PDE4D: variants seen among roughly 807,000 people sequenced by gnomAD.
PDE4D encodes the protein phosphodiesterase 4D, also known as 3',5'-cyclic-AMP phosphodiesterase 4D.
PDE4D carries 24 observed loss-of-function variants against 87.4 expected under a neutral mutation model. That is an observed-to-expected ratio of 0.27 (90% CI 0.20 to 0.39). PDE4D has a LOEUF of 0.39. Among genes scored for constraint, PDE4D ranks in the 10% least tolerant of loss-of-function variants. PDE4D has a pLI of 1.00. For synonymous variants in PDE4D, 384 were observed against 383.2 expected, an observed-to-expected ratio of 1.00 and a Z score of -0.02; for missense variants, 714 against 1,041.0, an observed-to-expected ratio of 0.69 and a Z score of 4.32.
intron 1 of PDE4D, among the ~76,000 whole-genome samples, chr5:60,307,095 T>C (rs1754566118): frequency 6.6e-6 from 1 of 152,046 alleles, no homozygotes; most frequent in African/African-American, 2.4e-5. Flanking sequence ...TCTCACTTTT[T>C]AAAAATGCAA....
chr5:60,096,940 A>T (rs1775736755), intron 2 of PDE4D, among the ~76,000 whole-genome samples: 1 of 152,128 alleles, frequency 6.6e-6, no homozygotes, highest in African/African-American at 2.4e-5. Flanking sequence ...AATGCCTCAG[A>T]AAACATCATT....
intron 1 of PDE4D, among the ~76,000 whole-genome samples, chr5:59,735,863 T>A (rs1267580342): frequency 6.6e-6 from 1 of 152,038 alleles, no homozygotes; most frequent in African/African-American, 2.4e-5. Flanking sequence ...CAGACGGGAT[T>A]TCACCATGTT....
chr5:58,988,168 CT>C (rs1363081691), intron 11 of PDE4D, among the ~76,000 whole-genome samples: 2 of 151,416 alleles, frequency 1.3e-5, no homozygotes, highest in Non-Finnish European at 1.5e-5. Flanking sequence ...ATTCTCATAA[CT>C]TTTTTTTTAA....
intron 1 of PDE4D, among the ~76,000 whole-genome samples, chr5:60,285,109 T>A (rs560755750): frequency 0.022 from 3,379 of 152,170 alleles, 125 homozygotes; most frequent in African/African-American, 0.077. Flanking sequence ...TACAGTAATT[T>A]TTTTAGCAAA....
intron 1 of PDE4D, among the ~76,000 whole-genome samples, chr5:59,486,982 C>G (rs796102545): frequency 2.0e-5 from 3 of 152,156 alleles, no homozygotes; most frequent in Admixed American, 6.5e-5. Context: ...AGTTAATAGG[C>G]CTTCTTGTTT....
At chr5:59,283,008 C>A (rs565663079) in intron 1 of PDE4D, among the ~76,000 whole-genome samples, 2 of 152,152 alleles carry the variant, frequency 1.3e-5, no homozygotes, top group South Asian at 4.2e-4. Flanking sequence ...GGTTGCAAAT[C>A]CAAATTCCAC....
At chr5:59,648,060 T>TAA (rs1229093588) in intron 1 of PDE4D, among the ~76,000 whole-genome samples, 2 of 152,142 alleles carry the variant, frequency 1.3e-5, no homozygotes, top group African/African-American at 4.8e-5. Context: ...TACATCTACT[T>TAA]AGACTCTTGG....
intron 1 of PDE4D, among the ~76,000 whole-genome samples, chr5:60,410,764 T>C (rs1428073039): frequency 6.6e-6 from 1 of 152,204 alleles, no homozygotes; most frequent in East Asian, 1.9e-4. Flanking sequence ...CTGTCAAAGA[T>C]TTTCATGCTT....
chr5:59,352,439 G>C (rs1267318875), intron 1 of PDE4D, among the ~76,000 whole-genome samples: 1 of 152,160 alleles, frequency 6.6e-6, no homozygotes, highest in Non-Finnish European at 1.5e-5. Flanking sequence ...ACATCCCAGT[G>C]TATTGATTCA....
intron 1 of PDE4D, among the ~76,000 whole-genome samples, chr5:59,675,979 A>G (rs1376092961): frequency 6.6e-6 from 1 of 152,168 alleles, no homozygotes; most frequent in Non-Finnish European, 1.5e-5. Flanking sequence ...GGCATGAGCC[A>G]CCACACTCAA....
intron 1 of PDE4D, among the ~76,000 whole-genome samples, chr5:59,363,426 G>T (rs1419422479): frequency 6.6e-6 from 1 of 152,084 alleles, no homozygotes; most frequent in African/African-American, 2.4e-5. Context: ...TAAAATTGAG[G>T]TCCCTCTTAA....
chr5:60,486,294 C>T (rs1420741147), intron 1 of PDE4D, among the ~76,000 whole-genome samples: 3 of 152,136 alleles, frequency 2.0e-5, no homozygotes, highest in South Asian at 2.1e-4. Flanking sequence ...CATTACTATT[C>T]GTGTCTATGG....
At chr5:60,295,132 A>T (rs1753262520) in intron 1 of PDE4D, among the ~76,000 whole-genome samples, 1 of 152,120 alleles carries the variant, frequency 6.6e-6, no homozygotes. Flanking sequence ...ATAAGAAATG[A>T]AATGTTTAAA....
At chr5:59,108,039 C>G (rs1036173142) in intron 5 of PDE4D, among the ~76,000 whole-genome samples, 3 of 152,202 alleles carry the variant, frequency 2.0e-5, no homozygotes, top group Non-Finnish European at 4.4e-5. Context: ...TGGGTAAGAC[C>G]AGCAGGACTG....
Position 60,442,933 on chromosome 5 carries a change from G to C in PDE4D, c.-90+45009C>G, listed in dbSNP as rs140945527. Among the ~76,000 whole-genome samples the C allele has an allele frequency of 1.4e-3, 216 of 152,228 alleles. 6 individuals are homozygous for C. The East Asian group carries it at 0.031, about 22-fold the overall frequency. On this transcript the variant is annotated intron_variant, in intron 1 of 16. Transcript: ENST00000502484. ...TCCAGAAACAGTAGATCTGAACATA[G>C]GAAAGAGGCCTGACTTGAAGGTTAG...
chr5:59,278,502 T>TA (rs1765240373), intron 1 of PDE4D, among the ~76,000 whole-genome samples: 1 of 152,136 alleles, frequency 6.6e-6, no homozygotes. Flanking sequence ...GTACCATAGA[T>TA]GTATACATCC....
chr5:59,560,495 T>C (rs1819787433), intron 1 of PDE4D, among the ~76,000 whole-genome samples: 1 of 152,212 alleles, frequency 6.6e-6, no homozygotes, highest in Admixed American at 6.5e-5. Context: ...TGAGATCTGG[T>C]TCTTGTTCTC....
chr5:60,385,478 T>C (rs1284434193), intron 1 of PDE4D, among the ~76,000 whole-genome samples: 2 of 152,238 alleles, frequency 1.3e-5, no homozygotes, highest in Non-Finnish European at 2.9e-5. Context: ...TTGTAGTCTC[T>C]GAGACTTGTA....
chr5:60,071,344 T>C (rs1367038814), intron 2 of PDE4D, among the ~76,000 whole-genome samples: 2 of 152,076 alleles, frequency 1.3e-5, no homozygotes, highest in East Asian at 1.9e-4. Flanking sequence ...CATTCTTTAA[T>C]TGGTGCACAC....
Sources: gnomAD v4.1 joint callset for allele counts (sites outside exome capture counted in the v4.1 genomes callset) on GRCh38, gnomAD v4.1.1 for gene constraint, MANE v1.5 for transcripts, NCBI Gene and HGNC (gene_info 2026-07-23, HGNC 2026-07-21) for gene names.